Variants in TMOD3 observed in about 807,000 individuals in gnomAD.
TMOD3 encodes the protein tropomodulin-3.
A neutral mutation model predicts 39.2 loss-of-function variants in TMOD3; 20 were observed. That is an observed-to-expected ratio of 0.51 (90% CI 0.36 to 0.74). TMOD3 has a LOEUF of 0.74. TMOD3 is among the 30% of genes least tolerant of loss of function. The probability of loss-of-function intolerance (pLI) is 0.00; values close to 1 mark genes in which losing one functional copy is unlikely to be tolerated. For missense variants in TMOD3, 381 were observed against 412.8 expected (o/e 0.92, Z 0.67); for synonymous variants, 143 against 145.8 (o/e 0.98, Z 0.14).
At chr15:51,866,830 T>C (rs1024799670) in intron 2 of TMOD3, among the ~76,000 whole-genome samples, 5 of 152,222 alleles carry the variant, frequency 3.3e-5, no homozygotes, top group South Asian at 2.1e-4. Flanking sequence ...ATGTGGTCTT[T>C]GCCCTCATGA....
chr15:51,860,243 T>A (rs996712336), intron 1 of TMOD3: 1 of 506,604 alleles, frequency 2.0e-6, no homozygotes, highest in Non-Finnish European at 3.9e-6. Flanking sequence ...CAAAGTCAAA[T>A]CGCTGTGCAG....
chr15:51,874,616 A>G (rs1283189305), intron 3 of TMOD3, among the ~76,000 whole-genome samples: 1 of 152,218 alleles, frequency 6.6e-6, no homozygotes, highest in Non-Finnish European at 1.5e-5. Flanking sequence ...TAAGGCATAG[A>G]ACCTTGTCAT....
chr15:51,896,324 C>T, intron 6 of TMOD3, 95 bp from the exon 7 acceptor site: 2 of 814,828 alleles, frequency 2.5e-6, no homozygotes, highest in East Asian at 5.4e-5. Context: ...TTTCTGAATA[C>T]ATTTTAAAGC....
intron 9 of TMOD3, among the ~76,000 whole-genome samples, chr15:51,908,560 C>A (rs1049524246): frequency 6.6e-6 from 1 of 151,432 alleles, no homozygotes; most frequent in Non-Finnish European, 1.5e-5. Flanking sequence ...TTTGTTGAAG[C>A]CCCTTGGTTC....
intron 1 of TMOD3, among the ~76,000 whole-genome samples, chr15:51,855,505 C>A (rs899558865): frequency 6.6e-6 from 1 of 152,192 alleles, no homozygotes; most frequent in African/African-American, 2.4e-5. Context: ...ACTTACCTGG[C>A]AGAACTTGCT....
Position 51,889,056 on chromosome 15 carries a change from C to A in TMOD3, c.407C>A (p.Ala136Glu). The change falls in exon 5 of 10, where the codon GCA (alanine) becomes GAA (glutamate). Residue 136 changes from alanine to glutamate, a missense_variant and splice_region_variant. Coordinates refer to ENST00000308580, the MANE Select transcript of TMOD3 (RefSeq NM_014547.5). ...AAACTTTCTTTTTCTGTATTTATAG[C>A]AATTCTTGGGATGCACAATTTGATA... Reference protein sequence around the residue: ...ASDTELCDLAAILGMHNLITN... With the variant: ...ASDTELCDLAEILGMHNLITN... 2.6e-6 allele frequency: 4 copies of A among 1,564,318 alleles called. No homozygotes were observed. The highest frequency in any genetic ancestry group is 3.4e-4 in the Middle Eastern group (2 of 5,938).
intron 4 of TMOD3, among the ~76,000 whole-genome samples, 184 bp from the exon 5 acceptor site, chr15:51,888,869 AAAT>A (rs1403548382): frequency 6.6e-6 from 1 of 152,162 alleles, no homozygotes; most frequent in East Asian, 1.9e-4. Context: ...ATGTGGGGGA[AAAT>A]AATAAGAGTA....
chr15:51,854,579 C>A (rs1269818546), intron 1 of TMOD3, among the ~76,000 whole-genome samples: 1 of 152,160 alleles, frequency 6.6e-6, no homozygotes, highest in South Asian at 2.1e-4. Flanking sequence ...TTACTCCCTA[C>A]ACAAATATAA....
intron 9 of TMOD3, among the ~76,000 whole-genome samples, chr15:51,905,961 A>G (rs2056677673): frequency 6.8e-6 from 1 of 146,170 alleles, no homozygotes; most frequent in South Asian, 2.1e-4. Context: ...AAAAAAAAAA[A>G]AAAAAAAAAA....
intron 3 of TMOD3, among the ~76,000 whole-genome samples, chr15:51,886,437 G>A (rs1312725668): frequency 6.6e-6 from 1 of 152,250 alleles, no homozygotes; most frequent in Non-Finnish European, 1.5e-5. Flanking sequence ...GGCCGAGGCG[G>A]GCAGATCACT....
chr15:51,886,410 A>G (rs1342178165), intron 3 of TMOD3, among the ~76,000 whole-genome samples: 3 of 152,254 alleles, frequency 2.0e-5, no homozygotes, highest in Non-Finnish European at 4.4e-5. Flanking sequence ...TCCGTCTGCA[A>G]TCCCGGCACC....
At chr15:51,830,614 A>G (rs1255754802) in intron 1 of TMOD3, among the ~76,000 whole-genome samples, 1 of 152,214 alleles carries the variant, frequency 6.6e-6, no homozygotes, top group Non-Finnish European at 1.5e-5. Flanking sequence ...ACACTGCAGT[A>G]AAACTTACCC....
At chr15:51,900,346 CTG>C in intron 8 of TMOD3, 48 bp downstream of exon 8, 1 of 1,595,948 alleles carries the variant, frequency 6.3e-7, no homozygotes, top group Non-Finnish European at 8.5e-7. Context: ...GCCCACGCTG[CTG>C]TGTAGGGCTT....
chr15:51,882,969 C>G (rs2056542436), intron 3 of TMOD3, among the ~76,000 whole-genome samples: 1 of 152,164 alleles, frequency 6.6e-6, no homozygotes. Context: ...TTCCACTTTT[C>G]TATAACTAAG....
At position 51,843,229 on chromosome 15, in the gene TMOD3, C is replaced by A. The variant is rs112391511; in HGVS notation, c.-75+13393C>A. Among the ~76,000 whole-genome samples, 55 of 152,154 alleles carry A rather than the reference C, an allele frequency of 3.6e-4. 2 individuals are homozygous for A. The highest frequency in any genetic ancestry group is 1.3e-3 in the African/African-American group (53 of 41,524). ...GTGGATAAGATAGAGAGGTGAAATTCGGGCCTGGGGTAAAAAGGATTGTTT... is the reference window on the plus strand; with the variant it reads ...GTGGATAAGATAGAGAGGTGAAATTAGGGCCTGGGGTAAAAAGGATTGTTT... On this transcript the variant is annotated intron_variant, in intron 1 of 9. Transcript: ENST00000308580.
rs1011869847 is a variant in TMOD3, at chr15:51,905,921, G to A, written c.1025-2855G>A. Reference sequence around the variant, plus strand: ...ATTGCGCCACTGCAGTCCGCAGTCCGGCCTGGGCAACAGAGCGAGACTCCG... The same window carrying A: ...ATTGCGCCACTGCAGTCCGCAGTCCAGCCTGGGCAACAGAGCGAGACTCCG... On this transcript the variant is annotated intron_variant, in intron 9 of 9. Transcript: ENST00000308580. Among the ~76,000 whole-genome samples the A allele has an allele frequency of 2.8e-4, 36 of 129,850 alleles. 1 individual carries two copies. Among genetic ancestry groups the A allele is most frequent in the African/African-American group, 1.1e-3 (35 of 31,320 alleles). 85.2% of individuals were successfully genotyped at this position (129,850 alleles called of 152,430 possible). A position where few individuals can be genotyped will look rare whatever the true frequency, so the allele number is the denominator to read the frequency against.
intron 1 of TMOD3, among the ~76,000 whole-genome samples, chr15:51,849,597 A>G (rs2141674735): frequency 6.6e-6 from 1 of 152,212 alleles, no homozygotes; most frequent in South Asian, 2.1e-4. Context: ...CCCAAAGCCA[A>G]GTGAGGAAAG....
rs768004361 is a variant in TMOD3, at chr15:51,869,340, G to A, written c.250G>A (p.Glu84Lys). ...AGAAGCATTGGAGCATAAAGACAGG[G>A]AAGACTATGTGCCCTACACTGGAGA... ...EKEALEHKDR[E>K]DYVPYTGEKK... The change falls in exon 3 of 10, where the codon GAA becomes AAA. Residue 84 changes from glutamate (E) to lysine (K), a missense_variant. Glu to Lys is a moderately conservative substitution (Grantham distance 56, BLOSUM62 1). Transcript: ENST00000308580. The A allele has an allele frequency of 3.7e-6, 6 of 1,613,874 alleles. No homozygotes were observed. The highest frequency in any genetic ancestry group is 3.3e-5 in the Admixed American group (2 of 59,986).
chr15:51,888,301 A>C (rs2056575685), intron 4 of TMOD3, among the ~76,000 whole-genome samples: 1 of 152,196 alleles, frequency 6.6e-6, no homozygotes, highest in Non-Finnish European at 1.5e-5. Context: ...TTCAAACCAA[A>C]TAACCCCAGG....
Sources: allele counts gnomAD v4.1 joint callset (sites outside exome capture counted in the v4.1 genomes callset), GRCh38; gene constraint gnomAD v4.1.1; transcripts MANE v1.5; gene names NCBI Gene and HGNC (gene_info 2026-07-23, HGNC 2026-07-21).